The following SLC41A3 variants were observed in gnomAD, a reference collection of about 807,000 sequenced individuals.
SLC41A3 encodes solute carrier family 41 member 3, also known as SLC41A1-like 2.
A neutral mutation model predicts 45.4 loss-of-function variants in SLC41A3; 44 were observed. That is an observed-to-expected ratio of 0.97 (90% confidence interval 0.76 to 1.25). The LOEUF is 1.25. Ranked by LOEUF, SLC41A3 falls within the 50% of genes most tolerant of loss-of-function variation. SLC41A3 has a pLI of 0.00. For missense variants in SLC41A3, 550 were observed against 600.6 expected (o/e 0.92, Z 0.88); for synonymous variants, 256 against 252.4 (o/e 1.01, Z -0.13).
At chr3:126,051,091 T>G (rs776801055) in intron 2 of SLC41A3, 41 bp from the exon 3 acceptor site, 1 of 1,506,272 alleles carries the variant, frequency 6.6e-7, no homozygotes, top group Middle Eastern at 1.8e-4. Context: ...AACACACACA[T>G]CAGCAAATCT....
chr3:126,079,330 A>G (rs1383936874), intron 1 of SLC41A3, among the ~76,000 whole-genome samples: 3 of 152,136 alleles, frequency 2.0e-5, no homozygotes, highest in African/African-American at 7.2e-5. Context: ...ACCAAAGGGG[A>G]AAAATGATTA....
upstream of SLC41A3, among the ~76,000 whole-genome samples, chr3:126,085,808 C>T (rs1254105766): frequency 9.3e-6 from 1 of 107,446 alleles, no homozygotes; most frequent in Non-Finnish European, 2.0e-5. Context: ...GACTGGGGGC[C>T]TTGTGGGAGT....
intron 2 of SLC41A3, 69 bp downstream of exon 2, chr3:126,067,878 G>A: frequency 5.4e-6 from 8 of 1,489,880 alleles, no homozygotes; most frequent in Non-Finnish European, 7.2e-6. Context: ...AACCTTACAT[G>A]CAGCTGCCTA....
intron 2 of SLC41A3, chr3:126,056,651 G>A: frequency 6.8e-7 from 1 of 1,475,504 alleles, no homozygotes; most frequent in African/African-American, 1.4e-5. Context: ...TTCCCAAGAA[G>A]TCCACACAAA....
chr3:126,049,313 C>G (rs1437548925), intron 3 of SLC41A3, among the ~76,000 whole-genome samples: 1 of 152,124 alleles, frequency 6.6e-6, no homozygotes, highest in African/African-American at 2.4e-5. Flanking sequence ...ATGGTATAAC[C>G]CTGCCTCTGC....
chr3:126,085,518 C>T (rs929952632), upstream of SLC41A3: 1 of 152,196 alleles, frequency 6.6e-6, no homozygotes, highest in Non-Finnish European at 1.5e-5. Flanking sequence ...GTTAAGTTCT[C>T]CTGAGCCCCA....
At chr3:126,079,871 G>C (rs1038664326) in intron 1 of SLC41A3, among the ~76,000 whole-genome samples, 1 of 152,148 alleles carries the variant, frequency 6.6e-6, no homozygotes. Flanking sequence ...GGTACTGGCA[G>C]ACACATAAGC....
At chr3:126,048,940 A>T (rs1943144514) in intron 3 of SLC41A3, among the ~76,000 whole-genome samples, 1 of 152,146 alleles carries the variant, frequency 6.6e-6, no homozygotes, top group African/African-American at 2.4e-5. Context: ...AAAACAAAGT[A>T]AAACCTTTGA....
At chr3:126,055,568 T>C (rs1277832834) in intron 2 of SLC41A3, among the ~76,000 whole-genome samples, 2 of 152,192 alleles carry the variant, frequency 1.3e-5, no homozygotes, top group African/African-American at 4.8e-5. Context: ...TATGTTTATA[T>C]GTACATAGAA....
At position 126,069,541 on chromosome 3, in the gene SLC41A3, T is replaced by C. The variant is rs201149913; in HGVS notation, c.-27-1295A>G. ...GGGGGGAATCTCATTTCCACACCTG[T>C]CACGTTATATACTGTTAAAGGTCTA... On this transcript the variant is annotated intron_variant, in intron 1 of 10. Transcript: ENST00000360370. Among the ~76,000 whole-genome samples the C allele has an allele frequency of 2.0e-5, 3 of 152,152 alleles. No individual in the cohort carries two copies. In the East Asian group the frequency reaches 5.8e-4, roughly 29 times the overall value.
chr3:126,008,976 T>C, intron 9 of SLC41A3, 96 bp from the exon 10 acceptor site: 3 of 1,499,528 alleles, frequency 2.0e-6, no homozygotes, highest in South Asian at 1.2e-5. Flanking sequence ...CACTCATCCA[T>C]TTATTCCCAA....
chr3:126,062,104 C>A (rs1010949638), intron 2 of SLC41A3, among the ~76,000 whole-genome samples: 2 of 152,200 alleles, frequency 1.3e-5, no homozygotes, highest in African/African-American at 4.8e-5. Flanking sequence ...TTATGTGAGA[C>A]TTAAACAGGG....
intron 2 of SLC41A3, among the ~76,000 whole-genome samples, chr3:126,055,890 G>A (rs1344800358): frequency 6.6e-6 from 1 of 152,094 alleles, no homozygotes; most frequent in African/African-American, 2.4e-5. Context: ...TGCGGGCTGG[G>A]CACACTGCAG....
At chr3:126,032,045 G>A (rs1482691301) in intron 4 of SLC41A3, among the ~76,000 whole-genome samples, 1 of 152,198 alleles carries the variant, frequency 6.6e-6, no homozygotes, top group Non-Finnish European at 1.5e-5. Context: ...CACCTGAGTG[G>A]AGCCTTTAAC....
chr3:126,060,461 CGT>C (rs1944003925), intron 2 of SLC41A3, among the ~76,000 whole-genome samples: 1 of 152,160 alleles, frequency 6.6e-6, no homozygotes, highest in African/African-American at 2.4e-5. Flanking sequence ...CACACACACA[CGT>C]GCATGCACAG....
chr3:126,026,519 G>C lies in SLC41A3; in HGVS notation c.454-40C>G. The C allele has an allele frequency of 1.9e-6, 3 of 1,586,498 alleles. No homozygotes were observed. Among genetic ancestry groups the C allele is most frequent in the Non-Finnish European group, 1.7e-6 (2 of 1,165,496 alleles). On this transcript the variant is annotated intron_variant, in intron 4 of 10. Transcript: ENST00000360370. The surrounding 1 kb of genome is among the most constrained non-coding windows in gnomAD (Gnocchi z 4.2). ...TCAGAAGCATGAAGGGGGGCCCCGGGGCCACAGCCACACTCCCTGCCCTTC... is the reference window on the plus strand; with the variant it reads ...TCAGAAGCATGAAGGGGGGCCCCGGCGCCACAGCCACACTCCCTGCCCTTC...
intron 3 of SLC41A3, among the ~76,000 whole-genome samples, chr3:126,042,533 A>C (rs187302095): frequency 1.4e-3 from 211 of 152,340 alleles, no homozygotes; most frequent in Non-Finnish European, 2.3e-3. Context: ...AACACAGTCT[A>C]GTCACAGGAA....
rs567586246 is a variant in SLC41A3 at position 126,056,883 on chromosome 3, G to A, written c.274-5833C>T. On this transcript the variant is annotated intron_variant, in intron 2 of 10. Transcript: ENST00000360370. ...CCTCCCTCTGCCAGTCTGCCATGGA[G>A]GCTCATGGTCCCTCTGCACCGGCCT... 2.6e-4 allele frequency: 303 copies of A among 1,160,638 alleles called. 4 individuals carry two copies. In the South Asian group the frequency reaches 4.8e-3, roughly 18 times the overall value. The allele number at this position is 1,160,638 out of a possible 1,614,324, so 71.9% of individuals were successfully genotyped here.
upstream of SLC41A3, among the ~76,000 whole-genome samples, chr3:126,086,195 A>G (rs1171850392): frequency 6.6e-6 from 1 of 152,184 alleles, no homozygotes; most frequent in Non-Finnish European, 1.5e-5. Context: ...TGGTGCGTCT[A>G]CTTGCCAGAG....
Sources: allele counts gnomAD v4.1 joint callset (sites outside exome capture counted in the v4.1 genomes callset), GRCh38; gene constraint gnomAD v4.1.1; non-coding constraint Gnocchi (gnomAD v3.1); transcripts MANE v1.5; gene names NCBI Gene and HGNC (gene_info 2026-07-23, HGNC 2026-07-21).